METTL9: variants seen among roughly 807,000 people sequenced by gnomAD.
METTL9 encodes protein-L-histidine N-pros-methyltransferase.
Under a neutral mutation model 36.0 loss-of-function variants are expected in METTL9, and 10 were observed. The observed-to-expected ratio is 0.28, with a 90% confidence interval of 0.17 to 0.47. The LOEUF (loss-of-function observed/expected upper bound fraction) is 0.47, where lower values mean the gene tolerates loss of function less well. Among genes scored for constraint, METTL9 ranks in the 20% least tolerant of loss-of-function variants. METTL9 has a pLI of 0.99. For missense variants in METTL9, 246 were observed against 383.5 expected (o/e 0.64, Z 3.00); for synonymous variants, 175 against 149.7 (o/e 1.17, Z -1.23).
chr16:21,597,429 T>C (rs1046282723), upstream of METTL9: 1 of 524,186 alleles, frequency 1.9e-6, no homozygotes, highest in African/African-American at 2.0e-5. Context: ...ATAGAGTATT[T>C]TAAATGTATG....
At chr16:21,626,806 T>A (rs1965824273) in intron 4 of METTL9, 1 of 289,014 alleles carries the variant, frequency 3.5e-6, no homozygotes. Context: ...GGTCCTGGGT[T>A]CCTGTGTCCT....
intron 4 of METTL9, among the ~76,000 whole-genome samples, chr16:21,639,176 C>G (rs1472309057): frequency 2.6e-5 from 4 of 152,018 alleles, no homozygotes; most frequent in Non-Finnish European, 5.9e-5. Flanking sequence ...GTGTATACAC[C>G]AGATATTCTT....
At chr16:21,611,936 G>A (rs751942448) in intron 1 of METTL9, among the ~76,000 whole-genome samples, 1 of 152,150 alleles carries the variant, frequency 6.6e-6, no homozygotes, top group African/African-American at 2.4e-5. Context: ...TGGAAATCTG[G>A]TTCTTAGCAT....
intron 2 of METTL9, among the ~76,000 whole-genome samples, chr16:21,613,627 C>T (rs1965486556): frequency 6.6e-6 from 1 of 152,142 alleles, no homozygotes; most frequent in East Asian, 1.9e-4. Context: ...TTGCCTTAAA[C>T]ATACTTCGCA....
intron 4 of METTL9, among the ~76,000 whole-genome samples, chr16:21,650,814 T>G (rs994272562): frequency 3.3e-5 from 5 of 152,196 alleles, no homozygotes; most frequent in Non-Finnish European, 5.9e-5. Flanking sequence ...GTGAATGATT[T>G]CTTTTAAGAA....
chr16:21,647,309 T>G (rs1157355589), intron 4 of METTL9: 2 of 1,614,146 alleles, frequency 1.2e-6, no homozygotes, highest in Non-Finnish European at 1.7e-6. Flanking sequence ...TGCCTCACTT[T>G]TGCACCCGTC....
intron 4 of METTL9, chr16:21,652,791 C>A: frequency 2.1e-6 from 1 of 478,768 alleles, no homozygotes; most frequent in South Asian, 4.3e-5. Flanking sequence ...TAGAAATGTG[C>A]ATATCTTTTT....
intron 3 of METTL9, among the ~76,000 whole-genome samples, chr16:21,618,652 T>C (rs771528702): frequency 1.3e-5 from 2 of 152,218 alleles, no homozygotes; most frequent in Admixed American, 6.5e-5. Context: ...GCTTATCGCA[T>C]GTAGCATAAT....
chr16:21,599,484 G>C (rs138511654), upstream of METTL9: 2 of 1,195,656 alleles, frequency 1.7e-6, no homozygotes, highest in East Asian at 3.9e-5. This position sits in a 1 kb window ranked among gnomAD's most constrained non-coding sequence, Gnocchi z 4.4. Flanking sequence ...GCGGCCGCTC[G>C]TAAGTGCTCC....
At chr16:21,608,127 C>T (rs1376183112) in intron 1 of METTL9, among the ~76,000 whole-genome samples, 4 of 151,896 alleles carry the variant, frequency 2.6e-5, no homozygotes, top group African/African-American at 9.7e-5. Flanking sequence ...CCATCCTGGG[C>T]GACAGAGCAA....
At chr16:21,642,726 A>T (rs973296670) in intron 4 of METTL9, among the ~76,000 whole-genome samples, 1 of 152,214 alleles carries the variant, frequency 6.6e-6, no homozygotes, top group Non-Finnish European at 1.5e-5. Context: ...AAACATTTGC[A>T]GTATCTACTG....
chr16:21,635,150 G>C (rs993240227), intron 4 of METTL9, among the ~76,000 whole-genome samples: 6 of 152,142 alleles, frequency 3.9e-5, no homozygotes, highest in African/African-American at 1.4e-4. Flanking sequence ...GTTTGCCCTA[G>C]ACCCTGTAGG....
intron 1 of METTL9, among the ~76,000 whole-genome samples, chr16:21,604,084 A>G (rs1329678760): frequency 2.6e-5 from 4 of 152,144 alleles, no homozygotes; most frequent in Non-Finnish European, 4.4e-5. Context: ...GGAGTCAGGC[A>G]TGAGTTAACA....
At position 21,599,998 on chromosome 16, in the gene METTL9, G is replaced by T. The variant is rs999559211; in HGVS notation, c.165+100G>T. On this transcript the variant is annotated intron_variant, in intron 1 of 4. Transcript: ENST00000358154. This position sits in a 1 kb window ranked among gnomAD's most constrained non-coding sequence, Gnocchi z 4.4. ...GGACGGCTCCGCGAGGGGGCGGCCCGGCCCTCGCCCCTCCGCCTCGGCCCC... is the reference window on the plus strand; with the variant it reads ...GGACGGCTCCGCGAGGGGGCGGCCCTGCCCTCGCCCCTCCGCCTCGGCCCC... The T allele has an allele frequency of 3.2e-4, 322 of 1,017,504 alleles. 4 individuals are homozygous for T. The African/African-American group carries it at 4.8e-3, about 15-fold the overall frequency. The allele number at this position is 1,017,504 out of a possible 1,614,324, so 63.0% of individuals were successfully genotyped here.
Position 21,655,552 on chromosome 16 carries a change from T to G in METTL9, c.*120T>G. 1.2e-6 allele frequency: 1 copy of G among 860,538 alleles called. No homozygotes were observed. Among genetic ancestry groups the G allele is most frequent in the Non-Finnish European group, 1.8e-6 (1 of 560,274 alleles). The allele number at this position is 860,538 out of a possible 1,614,324, so 53.3% of individuals were successfully genotyped here. On this transcript the variant is annotated 3_prime_UTR_variant, in exon 5 of 5. Coordinates refer to ENST00000358154, the MANE Select transcript of METTL9 (RefSeq NM_016025.5). ...GGGGACCGCCATTCTAAATATCATG[T>G]AGGAATTTAAAAAGCCAAAATACTA...
At chr16:21,644,520 C>A in intron 4 of METTL9, 1 of 632,792 alleles carries the variant, frequency 1.6e-6, no homozygotes. Flanking sequence ...CTTGCCTATT[C>A]GTATAAAAAC....
intron 1 of METTL9, among the ~76,000 whole-genome samples, chr16:21,609,943 A>C (rs1204728603): frequency 6.6e-6 from 1 of 152,130 alleles, no homozygotes; most frequent in Non-Finnish European, 1.5e-5. Flanking sequence ...TGCCACCTGC[A>C]TATTTAGGGA....
At chr16:21,646,717 C>T (rs1057242254) in intron 4 of METTL9, 21 of 283,908 alleles carry the variant, frequency 7.4e-5, no homozygotes, top group African/African-American at 3.8e-4. Flanking sequence ...TGCAGTAGTG[C>T]GATCTCGGTT....
chr16:21,601,429 G>A (rs1302829749), intron 1 of METTL9, among the ~76,000 whole-genome samples: 2 of 152,072 alleles, frequency 1.3e-5, no homozygotes, highest in African/African-American at 4.8e-5. Flanking sequence ...CCATTGATGG[G>A]GGATTATGGT....
Sources: allele counts gnomAD v4.1 joint callset (sites outside exome capture counted in the v4.1 genomes callset), GRCh38; gene constraint gnomAD v4.1.1; non-coding constraint Gnocchi (gnomAD v3.1); transcripts MANE v1.5; gene names NCBI Gene and HGNC (gene_info 2026-07-23, HGNC 2026-07-21).